Variants in CDC27 observed in about 807,000 individuals in gnomAD.
CDC27 encodes cell division cycle protein 27 homolog.
In CDC27, 27 loss-of-function variants were observed where a neutral mutation model predicts 109.7. The observed-to-expected ratio is 0.25, with a 90% CI of 0.18 to 0.34. The LOEUF (loss-of-function observed/expected upper bound fraction) is 0.34, where lower values mean the gene tolerates loss of function less well. Among genes scored for constraint, CDC27 ranks in the 10% least tolerant of loss-of-function variants. CDC27 has a pLI of 1.00. For synonymous variants in CDC27, 266 were observed against 333.9 expected, an observed-to-expected ratio of 0.80 and a Z score of 2.22; for missense variants, 579 against 960.2, an observed-to-expected ratio of 0.60 and a Z score of 5.25.
At chr17:47,138,366 G>C (rs753579922) in intron 13 of CDC27, among the ~76,000 whole-genome samples, 6 of 152,162 alleles carry the variant, frequency 3.9e-5, no homozygotes, top group Non-Finnish European at 5.9e-5. Flanking sequence ...TACAAGATTA[G>C]AGCATGTACA....
chr17:47,141,040 A>G (rs1178419407), intron 12 of CDC27, among the ~76,000 whole-genome samples: 1 of 152,176 alleles, frequency 6.6e-6, no homozygotes, highest in Admixed American at 6.5e-5. Context: ...TTGGCTTATA[A>G]TCTGTCTGTT....
At chr17:47,175,840 G>T (rs1379908239) in intron 2 of CDC27, among the ~76,000 whole-genome samples, 1 of 152,008 alleles carries the variant, frequency 6.6e-6, no homozygotes, top group African/African-American at 2.4e-5. Context: ...AAAACAAATC[G>T]ATTATCTGTT....
intron 18 of CDC27, among the ~76,000 whole-genome samples, chr17:47,121,888 C>T (rs1246825874): frequency 1.3e-5 from 2 of 151,840 alleles, no homozygotes; most frequent in Non-Finnish European, 2.9e-5. Flanking sequence ...TACAGGCGCC[C>T]GCAACCACGC....
intron 9 of CDC27, among the ~76,000 whole-genome samples, chr17:47,146,991 A>G (rs959502826): frequency 6.6e-6 from 1 of 152,208 alleles, no homozygotes; most frequent in Non-Finnish European, 1.5e-5. Context: ...TGAGCCCAGG[A>G]GTTTGAGGCT....
chr17:47,188,576 A>T (rs888817884), intron 1 of CDC27, among the ~76,000 whole-genome samples: 1 of 151,958 alleles, frequency 6.6e-6, no homozygotes, highest in East Asian at 1.9e-4. Flanking sequence ...TGAGGCTTGG[A>T]GTTGTCTTCT....
chr17:47,138,076 T>A (rs558614703), intron 13 of CDC27, among the ~76,000 whole-genome samples: 44 of 152,206 alleles, frequency 2.9e-4, no homozygotes, highest in African/African-American at 8.7e-4. Flanking sequence ...GCTGGGATTA[T>A]AGGTGTGAGC....
intron 2 of CDC27, among the ~76,000 whole-genome samples, chr17:47,177,443 C>T (rs1269113322): frequency 1.3e-5 from 2 of 151,996 alleles, no homozygotes; most frequent in Admixed American, 6.6e-5. Context: ...TGGGCGTGGC[C>T]GCAGGCGCTT....
Position 47,157,060 on chromosome 17 carries a change from A to G in CDC27, c.695T>C (p.Val232Ala). ...AATTACAGCTGAATCAATATAAGAC[A>G]CTGAGGAATCTGTATTCAAGGAGTA... ...SKYSLNTDSS[V>A]SYIDSAVISP... The change falls in exon 7 of 19, where the codon GTG (valine) becomes GCG (alanine). Residue 232 changes from valine (V) to alanine (A), a missense_variant. By Grantham distance (64) the Val-to-Ala change is moderately conservative. This residue lies in a region of CDC27 where 74 missense variants were observed against 148.9 expected (regional missense o/e 0.50). Coordinates refer to ENST00000066544, the MANE Select transcript of CDC27 (RefSeq NM_001256.6). 1.9e-6 allele frequency: 3 copies of G among 1,596,344 alleles called. No individual in the cohort carries two copies. Among genetic ancestry groups the G allele is most frequent in the Non-Finnish European group, 8.6e-7 (1 of 1,168,344 alleles).
intron 2 of CDC27, among the ~76,000 whole-genome samples, chr17:47,176,550 A>G (rs1424940076): frequency 5.3e-5 from 8 of 152,214 alleles, no homozygotes; most frequent in Admixed American, 3.9e-4. Flanking sequence ...TGTTTGAGGC[A>G]GAAAATGGCA....
intron 7 of CDC27, among the ~76,000 whole-genome samples, chr17:47,155,998 A>C (rs889156902): frequency 1.8e-4 from 27 of 152,182 alleles, no homozygotes; most frequent in Admixed American, 1.7e-3. Flanking sequence ...TTTTGGAAAA[A>C]GGCACTTTAA....
At chr17:47,122,161 C>T (rs2062000949) in intron 18 of CDC27, among the ~76,000 whole-genome samples, 1 of 151,774 alleles carries the variant, frequency 6.6e-6, no homozygotes, top group South Asian at 2.1e-4. Flanking sequence ...TTTTATGAAG[C>T]AGATAAAACA....
At chr17:47,157,855 T>G (rs556445365) in intron 5 of CDC27, among the ~76,000 whole-genome samples, 1 of 152,342 alleles carries the variant, frequency 6.6e-6, no homozygotes, top group East Asian at 1.9e-4. Context: ...GTTCAGGTCT[T>G]GTAAGTTTCA....
intron 7 of CDC27, 76 bp from the exon 8 acceptor site, chr17:47,154,862 G>T: frequency 1.4e-6 from 1 of 699,432 alleles, no homozygotes. Context: ...TAAATTAGAA[G>T]GTCTAAAAGG....
intron 16 of CDC27, among the ~76,000 whole-genome samples, chr17:47,124,372 T>C (rs2062073212): frequency 6.6e-6 from 1 of 151,970 alleles, no homozygotes; most frequent in African/African-American, 2.4e-5. Context: ...CAATCTCCGC[T>C]TCTCAGATTC....
rs2148775293 is a variant in CDC27, at chr17:47,118,723, C to CA, written c.*2211dup. The CA allele has an allele frequency of 6.6e-6, 1 of 152,416 alleles. No individual in the cohort carries two copies. The highest frequency in any genetic ancestry group is 2.1e-4 in the South Asian group (1 of 4,814). The allele number at this position is 152,416 out of a possible 1,614,324, so 9.4% of individuals were successfully genotyped here. A position where few individuals can be genotyped will look rare whatever the true frequency, so the allele number is the denominator to read the frequency against. On this transcript the variant is annotated 3_prime_UTR_variant, in exon 19 of 19. Coordinates refer to ENST00000066544, the MANE Select transcript of CDC27 (RefSeq NM_001256.6). ...CGGGTTGTTTGATCCCCATTCCATG[C>CA]AAAAAACAAAACCAAACAAAAAAAG... is the stretch of plus-strand genomic sequence containing the variant.
intron 9 of CDC27, among the ~76,000 whole-genome samples, chr17:47,148,186 G>A (rs1419533874): frequency 2.0e-5 from 3 of 146,682 alleles, no homozygotes; most frequent in East Asian, 2.0e-4. Context: ...GCAACAGAGC[G>A]AGACTCTATC....
intron 13 of CDC27, among the ~76,000 whole-genome samples, chr17:47,138,487 C>G (rs1199389988): frequency 6.6e-6 from 1 of 152,170 alleles, no homozygotes; most frequent in African/African-American, 2.4e-5. Context: ...TTGGTGACAA[C>G]AGCAAATTTA....
At chr17:47,128,228 A>G (rs537886931) in intron 16 of CDC27, among the ~76,000 whole-genome samples, 1 of 151,732 alleles carries the variant, frequency 6.6e-6, no homozygotes, top group East Asian at 1.9e-4. Context: ...ATGGGGTTTC[A>G]CCCTGTTGGC....
intron 9 of CDC27, among the ~76,000 whole-genome samples, chr17:47,150,075 C>A (rs1275226202): frequency 6.6e-6 from 1 of 152,212 alleles, no homozygotes; most frequent in Non-Finnish European, 1.5e-5. Flanking sequence ...AAATATATTA[C>A]AGCCATCCCT....
Sources: gnomAD v4.1 joint callset for allele counts (sites outside exome capture counted in the v4.1 genomes callset) on GRCh38, gnomAD v4.1.1 for gene constraint, gnomAD v4.1.1 regional missense constraint, MANE v1.5 for transcripts, NCBI Gene and HGNC (gene_info 2026-07-23, HGNC 2026-07-21) for gene names.